Variants in CBR4 observed in about 807,000 individuals in gnomAD.
CBR4 encodes the protein carbonyl reductase 4.
Under a neutral mutation model 21.0 loss-of-function variants are expected in CBR4, and 22 were observed. The observed-to-expected ratio is 1.05, with a 90% CI of 0.75 to 1.50. CBR4 has a LOEUF of 1.50. Ranked by LOEUF, CBR4 falls within the 40% of genes most tolerant of loss-of-function variation. The pLI is 0.00. For missense variants in CBR4, 302 were observed against 286.3 expected, an observed-to-expected ratio of 1.05 and a Z score of -0.40; for synonymous variants, 100 against 104.4, an observed-to-expected ratio of 0.96 and a Z score of 0.26.
chr4:168,906,667 C>T (rs957620679), intron 2 of CBR4, among the ~76,000 whole-genome samples: 1 of 152,088 alleles, frequency 6.6e-6, no homozygotes, highest in Non-Finnish European at 1.5e-5. Flanking sequence ...CTCAGTCACC[C>T]AGGCTGGAGT....
chr4:169,009,747 C>T (rs1731238044), intron 1 of CBR4, among the ~76,000 whole-genome samples: 1 of 152,260 alleles, frequency 6.6e-6, no homozygotes, highest in South Asian at 2.1e-4. Flanking sequence ...AGCTGCGTGG[C>T]CGGCATTCTG....
intron 2 of CBR4, among the ~76,000 whole-genome samples, chr4:168,970,431 G>A (rs1764170383): frequency 6.6e-6 from 1 of 151,736 alleles, no homozygotes; most frequent in Non-Finnish European, 1.5e-5. Flanking sequence ...CCTGATTTTT[G>A]TTTTATGTCC....
At chr4:168,940,807 T>C (rs564067122) in intron 2 of CBR4, among the ~76,000 whole-genome samples, 2 of 152,300 alleles carry the variant, frequency 1.3e-5, no homozygotes, top group South Asian at 2.1e-4. Flanking sequence ...TGTGGAGAAA[T>C]AGGAACACTT....
chr4:169,009,340 T>C (rs149571931), intron 1 of CBR4, among the ~76,000 whole-genome samples: 12 of 152,330 alleles, frequency 7.9e-5, no homozygotes, highest in Admixed American at 2.0e-4. Flanking sequence ...CAAAGTTCAA[T>C]TGTCCATTTG....
At chr4:168,997,087 T>C (rs1042346293) in intron 4 of CBR4, among the ~76,000 whole-genome samples, 5 of 103,126 alleles carry the variant, frequency 4.8e-5, no homozygotes, top group Non-Finnish European at 1.1e-4. Flanking sequence ...ATTCTGGAAA[T>C]TGTGCTCTAC....
chr4:168,905,492 G>T (rs537823944), intron 2 of CBR4, among the ~76,000 whole-genome samples: 70 of 151,714 alleles, frequency 4.6e-4, no homozygotes, highest in African/African-American at 1.6e-3. Context: ...GTTTATTCAA[G>T]GTTTATTATA....
intron 2 of CBR4, among the ~76,000 whole-genome samples, chr4:168,897,568 T>C (rs1755486512): frequency 6.6e-6 from 1 of 152,130 alleles, no homozygotes; most frequent in South Asian, 2.1e-4. Context: ...CACCTCAGCC[T>C]CCCAAGTAGC....
chr4:168,970,738 T>C (rs1764181267), intron 2 of CBR4, among the ~76,000 whole-genome samples: 1 of 151,964 alleles, frequency 6.6e-6, no homozygotes, highest in African/African-American at 2.4e-5. Flanking sequence ...TTTCCATTCC[T>C]GAGTTACTTC....
Position 168,903,820 on chromosome 4 carries a change from G to A in CBR4, n.170-9055C>T, listed in dbSNP as rs757500640. On this transcript the variant is annotated intron_variant and non_coding_transcript_variant, in intron 2 of 3. Coordinates refer to the CBR4 transcript ENST00000509108. ...GAGTGATCACTACACCATTCAAAGAGATCTCGATGGGACCTGCTCCCTCCA... is the reference window on the plus strand; with the variant it reads ...GAGTGATCACTACACCATTCAAAGAAATCTCGATGGGACCTGCTCCCTCCA... 6.8e-6 allele frequency: 11 copies of A among 1,612,500 alleles called. No individual in the cohort carries two copies. The South Asian group carries it at 1.2e-4, about 18-fold the overall frequency.
At chr4:168,996,895 A>C (rs187009459) in intron 4 of CBR4, among the ~76,000 whole-genome samples, 2 of 152,338 alleles carry the variant, frequency 1.3e-5, no homozygotes, top group African/African-American at 4.8e-5. Flanking sequence ...ACAACCCAGG[A>C]CATGACATAT....
chr4:168,996,701 T>A (rs910487682), intron 4 of CBR4, among the ~76,000 whole-genome samples: 1 of 152,194 alleles, frequency 6.6e-6, no homozygotes, highest in Non-Finnish European at 1.5e-5. Flanking sequence ...ATAATCTGTC[T>A]GTAGCTTTTT....
At chr4:168,938,603 C>T (rs1045117858) in intron 2 of CBR4, among the ~76,000 whole-genome samples, 4 of 151,986 alleles carry the variant, frequency 2.6e-5, no homozygotes, top group African/African-American at 7.3e-5. Flanking sequence ...ATCAAATAAA[C>T]GCAATAAAAA....
chr4:168,954,857 A>T (rs989192318), intron 2 of CBR4, among the ~76,000 whole-genome samples: 2 of 152,206 alleles, frequency 1.3e-5, no homozygotes, highest in African/African-American at 4.8e-5. Flanking sequence ...ATTGGAACAG[A>T]TCAGAAGACT....
At chr4:168,960,397 G>T (rs1424789280) in intron 2 of CBR4, among the ~76,000 whole-genome samples, 1 of 152,164 alleles carries the variant, frequency 6.6e-6, no homozygotes, top group Admixed American at 6.5e-5. Context: ...GTGGAAAAAT[G>T]AGTAAATCAT....
At chr4:168,907,941 ACT>A (rs1266887840) in intron 2 of CBR4, among the ~76,000 whole-genome samples, 4 of 152,084 alleles carry the variant, frequency 2.6e-5, no homozygotes, top group Non-Finnish European at 1.5e-5. Flanking sequence ...ATCAGTTGAC[ACT>A]CCCAGCATCT....
At chr4:168,978,379 G>C (rs1413153070) in intron 2 of CBR4, among the ~76,000 whole-genome samples, 5 of 152,324 alleles carry the variant, frequency 3.3e-5, no homozygotes, top group Non-Finnish European at 7.3e-5. Flanking sequence ...AAGGGAGACA[G>C]AGTGGCCAGT....
In CBR4 at chr4:168,989,172, TG is replaced by T. The variant is rs1764798328; in HGVS notation, c.*977del. The T allele has an allele frequency of 2.2e-5, 21 of 966,644 alleles. No individual in the cohort carries two copies. The highest frequency in any genetic ancestry group is 2.5e-5 in the Non-Finnish European group (20 of 812,888). The allele number at this position is 966,644 out of a possible 1,614,324, so 59.9% of individuals were successfully genotyped here. ...CAGAATTTATTACTTTCTAGAATTT[TG>T]GGATAAGAATCATAATCACTAATGC... On this transcript the variant is annotated 3_prime_UTR_variant, in exon 5 of 5. Transcript: ENST00000306193.
intron 2 of CBR4, among the ~76,000 whole-genome samples, chr4:168,981,312 T>C (rs1056975348): frequency 1.3e-5 from 2 of 151,784 alleles, no homozygotes; most frequent in Admixed American, 6.6e-5. Flanking sequence ...GGCAGGAAAA[T>C]TGCTTGAACC....
intron 2 of CBR4, among the ~76,000 whole-genome samples, chr4:168,902,978 G>C (rs1756873270): frequency 6.6e-6 from 1 of 152,020 alleles, no homozygotes. Flanking sequence ...GCCCAGGCTG[G>C]TCTTGAATTC....
Sources: allele counts gnomAD v4.1 joint callset (sites outside exome capture counted in the v4.1 genomes callset), GRCh38; gene constraint gnomAD v4.1.1; transcripts MANE v1.5; gene names NCBI Gene and HGNC (gene_info 2026-07-23, HGNC 2026-07-21).